Variants in CRADD observed in about 807,000 individuals in gnomAD.
CRADD encodes CARD and death domain containing adaptor protein.
In CRADD, 9 loss-of-function variants were observed where a neutral mutation model predicts 15.5. The observed-to-expected ratio is 0.58, with a 90% CI of 0.35 to 1.01. CRADD has a LOEUF of 1.01. CRADD is among the 50% of genes least tolerant of loss of function. The pLI is 0.02. For missense variants in CRADD, 227 were observed against 250.3 expected (o/e 0.91, Z 0.63); for synonymous variants, 118 against 107.6 (o/e 1.10, Z -0.60).
intron 2 of CRADD, among the ~76,000 whole-genome samples, chr12:93,710,950 A>G (rs1412203995): frequency 6.6e-6 from 1 of 151,422 alleles, no homozygotes; most frequent in Non-Finnish European, 1.5e-5. Flanking sequence ...TGAGCTATGA[A>G]TTGTTTATAG....
intron 2 of CRADD, among the ~76,000 whole-genome samples, chr12:93,693,756 C>T (rs548938149): frequency 1.3e-5 from 2 of 151,998 alleles, no homozygotes; most frequent in African/African-American, 2.4e-5. Context: ...ACCTAACAGA[C>T]ATTTACAGAA....
At chr12:93,817,224 C>G (rs963266084) in intron 2 of CRADD, among the ~76,000 whole-genome samples, 2 of 152,160 alleles carry the variant, frequency 1.3e-5, no homozygotes, top group African/African-American at 2.4e-5. Flanking sequence ...CTTCAAGAGA[C>G]TGTGACTTCC....
intron 2 of CRADD, among the ~76,000 whole-genome samples, chr12:93,746,000 G>A (rs761494461): frequency 5.9e-5 from 9 of 152,182 alleles, no homozygotes; most frequent in Admixed American, 3.3e-4. Flanking sequence ...TTAAGGTAAA[G>A]GGAAAATAAG....
chr12:93,789,766 T>C (rs1180917019), intron 2 of CRADD, among the ~76,000 whole-genome samples: 1 of 152,166 alleles, frequency 6.6e-6, no homozygotes, highest in African/African-American at 2.4e-5. Flanking sequence ...TATACCTCAA[T>C]AAAGTAGTTA....
chr12:93,785,729 T>C (rs1957271175), intron 2 of CRADD, among the ~76,000 whole-genome samples: 1 of 152,212 alleles, frequency 6.6e-6, no homozygotes, highest in African/African-American at 2.4e-5. Flanking sequence ...GTTACCCTAC[T>C]TCACAGGCCA....
intron 2 of CRADD, among the ~76,000 whole-genome samples, chr12:93,780,342 G>A (rs1444552061): frequency 6.6e-6 from 1 of 152,214 alleles, no homozygotes; most frequent in African/African-American, 2.4e-5. Context: ...ACTGAGTACT[G>A]TAAAAGAGAA....
chr12:93,806,451 C>CAAAA (rs59372325), intron 2 of CRADD, among the ~76,000 whole-genome samples: 14 of 59,182 alleles, frequency 2.4e-4, no homozygotes, highest in African/African-American at 2.7e-4. Context: ...GACTCCATCT[C>CAAAA]AAAAAAAAAA....
At chr12:93,751,148 G>GA (rs1377447631) in intron 2 of CRADD, among the ~76,000 whole-genome samples, 57 of 152,106 alleles carry the variant, frequency 3.7e-4, no homozygotes, top group African/African-American at 1.4e-3. Context: ...CATAATTATA[G>GA]AAAAAAGTAG....
At chr12:93,857,643 G>A (rs1018489687) in intron 2 of CRADD, among the ~76,000 whole-genome samples, 2 of 152,190 alleles carry the variant, frequency 1.3e-5, no homozygotes, top group African/African-American at 4.8e-5. Context: ...TTTGGCTCAC[G>A]ATTCTGCTGA....
chr12:93,801,985 G>A (rs375160001), intron 2 of CRADD, among the ~76,000 whole-genome samples: 3 of 152,236 alleles, frequency 2.0e-5, no homozygotes, highest in East Asian at 3.9e-4. Flanking sequence ...TAGAATAATG[G>A]CCTCCAGCTC....
chr12:93,730,785 G>A (rs888339106), intron 2 of CRADD, among the ~76,000 whole-genome samples: 4 of 149,728 alleles, frequency 2.7e-5, no homozygotes, highest in African/African-American at 7.4e-5. Context: ...GCACAATCTC[G>A]GCTCACTGCA....
chr12:93,814,363 C>T (rs574571022), intron 2 of CRADD, among the ~76,000 whole-genome samples: 9 of 152,194 alleles, frequency 5.9e-5, no homozygotes, highest in South Asian at 4.1e-4. Flanking sequence ...TCTGTTCATG[C>T]GAGTTTTGAA....
At position 93,729,064 on chromosome 12, in the gene CRADD, CAG is replaced by C. The variant is rs1275305927; in HGVS notation, c.298+49994_298+49995del. Among the ~76,000 whole-genome samples, 4 of 152,244 alleles carry C rather than the reference CAG, an allele frequency of 2.6e-5. No homozygotes were observed. The East Asian group carries it at 7.7e-4, about 29-fold the overall frequency. On this transcript the variant is annotated intron_variant, in intron 2 of 2. Transcript: ENST00000332896. ...ATTCATGTAAATTTCCACAGCAGAA[CAG>C]ATTAATACGGACACTAAATGGGATG...
chr12:93,783,397 C>A (rs1000780271), intron 2 of CRADD, among the ~76,000 whole-genome samples: 1 of 151,498 alleles, frequency 6.6e-6, no homozygotes, highest in Non-Finnish European at 1.5e-5. Flanking sequence ...GAGTAGTCCT[C>A]TGATTTTATA....
chr12:93,748,648 G>A (rs928936524), intron 2 of CRADD, among the ~76,000 whole-genome samples: 2 of 132,294 alleles, frequency 1.5e-5, no homozygotes, highest in Non-Finnish European at 3.3e-5. Flanking sequence ...AAGGCATACT[G>A]GGGAAGTGAT....
chr12:93,685,856 G>A (rs768738542), intron 2 of CRADD, among the ~76,000 whole-genome samples: 14 of 151,744 alleles, frequency 9.2e-5, no homozygotes, highest in Non-Finnish European at 1.8e-4. Context: ...AGCCAGGCGT[G>A]GTGGCAGGCG....
At chr12:93,841,967 C>A (rs1227133610) in intron 2 of CRADD, among the ~76,000 whole-genome samples, 2 of 152,102 alleles carry the variant, frequency 1.3e-5, no homozygotes, top group Non-Finnish European at 2.9e-5. Flanking sequence ...AAAAGTGCTA[C>A]CCCATGACCA....
chr12:93,876,861 C>T (rs1958460773), intron 2 of CRADD, among the ~76,000 whole-genome samples: 1 of 151,854 alleles, frequency 6.6e-6, no homozygotes. Context: ...GTCATGTTTC[C>T]CTGGGTGGTG....
At chr12:93,760,343 T>TA (rs748050686) in intron 2 of CRADD, among the ~76,000 whole-genome samples, 1 of 152,210 alleles carries the variant, frequency 6.6e-6, no homozygotes, top group African/African-American at 2.4e-5. Context: ...TGGAAGGTCT[T>TA]AAACATCAGC....
Sources: gnomAD v4.1 joint callset for allele counts (sites outside exome capture counted in the v4.1 genomes callset) on GRCh38, gnomAD v4.1.1 for gene constraint, MANE v1.5 for transcripts, NCBI Gene and HGNC (gene_info 2026-07-23, HGNC 2026-07-21) for gene names.